SCFD2: variants seen among roughly 807,000 people sequenced by gnomAD.
The protein encoded by SCFD2 is sec1 family domain containing 2.
A neutral mutation model predicts 58.9 loss-of-function variants in SCFD2; 54 were observed. The observed-to-expected ratio is 0.92, with a 90% CI of 0.74 to 1.15. The LOEUF is 1.15. SCFD2 is among the 50% of genes most tolerant of loss of function. SCFD2 has a pLI of 0.00. For synonymous variants in SCFD2, 321 were observed against 335.9 expected (o/e 0.96, Z 0.49); for missense variants, 805 against 836.6 (o/e 0.96, Z 0.47).
intron 7 of SCFD2, among the ~76,000 whole-genome samples, chr4:52,894,100 T>G (rs953104052): frequency 6.6e-6 from 1 of 152,184 alleles, no homozygotes; most frequent in Admixed American, 6.5e-5. Flanking sequence ...TTGTTGCCAC[T>G]TAAGGCAATG....
chr4:53,185,437 G>T (rs1577817633), intron 4 of SCFD2, among the ~76,000 whole-genome samples: 1 of 151,928 alleles, frequency 6.6e-6, no homozygotes, highest in East Asian at 1.9e-4. Flanking sequence ...ATTTCAAGTG[G>T]CACTCCATTA....
chr4:53,154,790 T>C (rs931203396), intron 4 of SCFD2, among the ~76,000 whole-genome samples: 1 of 152,178 alleles, frequency 6.6e-6, no homozygotes. Context: ...GCCAATCTAA[T>C]CATATGAGTG....
Position 53,354,880 on chromosome 4 carries a change from G to A in SCFD2, c.839-2114C>T, listed in dbSNP as rs186386970. ...AGCTCACTGTAGCCTTGAACTCTGAGCTCAAGCAACTCTCCCACCTTAGTT... is the reference window on the plus strand; with the variant it reads ...AGCTCACTGTAGCCTTGAACTCTGAACTCAAGCAACTCTCCCACCTTAGTT... On this transcript the variant is annotated intron_variant, in intron 1 of 8. Transcript: ENST00000401642. Among the ~76,000 whole-genome samples the A allele has an allele frequency of 6.6e-5, 10 of 151,474 alleles. No individual in the cohort carries two copies. In the East Asian group the frequency reaches 1.9e-3, roughly 29 times the overall value.
intron 5 of SCFD2, among the ~76,000 whole-genome samples, chr4:53,050,930 C>G (rs1040634439): frequency 6.6e-6 from 1 of 152,172 alleles, no homozygotes; most frequent in Non-Finnish European, 1.5e-5. Flanking sequence ...TTAGGGAGAC[C>G]TTCCCTGGAC....
chr4:53,014,879 T>C (rs1722174596), intron 5 of SCFD2, among the ~76,000 whole-genome samples: 1 of 152,156 alleles, frequency 6.6e-6, no homozygotes, highest in East Asian at 1.9e-4. Flanking sequence ...AACCAAAAAA[T>C]GGTTAGAGAA....
At chr4:53,020,684 C>T (rs532889319) in intron 5 of SCFD2, among the ~76,000 whole-genome samples, 278 of 152,286 alleles carry the variant, frequency 1.8e-3, no homozygotes, top group Non-Finnish European at 2.6e-3. Flanking sequence ...TTCCCAGCCT[C>T]CCCTGCAAAT....
chr4:53,343,495 C>T (rs1261211450), intron 2 of SCFD2, among the ~76,000 whole-genome samples: 2 of 152,156 alleles, frequency 1.3e-5, no homozygotes, highest in Non-Finnish European at 1.5e-5. Context: ...CAGGACCAGA[C>T]AGAATCACAT....
chr4:53,354,144 T>C (rs1455653086), intron 1 of SCFD2, among the ~76,000 whole-genome samples: 2 of 152,180 alleles, frequency 1.3e-5, no homozygotes, highest in African/African-American at 2.4e-5. Flanking sequence ...ACAGTGCCCG[T>C]TGGGGAGGCT....
intron 4 of SCFD2, among the ~76,000 whole-genome samples, chr4:53,263,127 T>C (rs1730876412): frequency 6.6e-6 from 1 of 151,908 alleles, no homozygotes; most frequent in Admixed American, 6.6e-5. Context: ...TTATGCTGTC[T>C]ATTTCACTGA....
At chr4:53,225,090 AAAT>A (rs1729163691) in intron 4 of SCFD2, among the ~76,000 whole-genome samples, 1 of 152,190 alleles carries the variant, frequency 6.6e-6, no homozygotes, top group Admixed American at 6.5e-5. Flanking sequence ...ACCATAAGGA[AAAT>A]ATTACAACAT....
chr4:52,919,203 C>T (rs186420864), intron 6 of SCFD2, among the ~76,000 whole-genome samples: 2 of 152,180 alleles, frequency 1.3e-5, no homozygotes, highest in African/African-American at 2.4e-5. Flanking sequence ...ATCAGTCACC[C>T]GGATGACATA....
chr4:52,921,830 A>G (rs780988395), intron 5 of SCFD2, among the ~76,000 whole-genome samples: 3 of 152,096 alleles, frequency 2.0e-5, no homozygotes, highest in Non-Finnish European at 2.9e-5. Flanking sequence ...CTTCTTGTCT[A>G]AGGGCTTTCT....
At chr4:53,234,088 T>A (rs965579128) in intron 4 of SCFD2, among the ~76,000 whole-genome samples, 28 of 152,224 alleles carry the variant, frequency 1.8e-4, no homozygotes, top group Non-Finnish European at 5.9e-5. Context: ...TATAAAATCC[T>A]ACTTTGTCCT....
chr4:53,033,669 C>T (rs1256474722), intron 5 of SCFD2, among the ~76,000 whole-genome samples: 1 of 152,062 alleles, frequency 6.6e-6, no homozygotes, highest in African/African-American at 2.4e-5. Context: ...TACAAACTAC[C>T]ATCAGAAAAT....
intron 2 of SCFD2, among the ~76,000 whole-genome samples, chr4:53,330,695 C>G (rs1053736139): frequency 3.0e-4 from 46 of 151,784 alleles, no homozygotes; most frequent in Non-Finnish European, 5.1e-4. Context: ...AACTAACGAG[C>G]AAAATCACCA....
At chr4:53,315,941 C>T (rs566029518) in intron 2 of SCFD2, among the ~76,000 whole-genome samples, 2 of 152,250 alleles carry the variant, frequency 1.3e-5, no homozygotes, top group African/African-American at 2.4e-5. Flanking sequence ...TGGGTTCGAA[C>T]TCCAACCATG....
At chr4:53,345,938 G>A (rs1209628924) in intron 2 of SCFD2, among the ~76,000 whole-genome samples, 7 of 151,866 alleles carry the variant, frequency 4.6e-5, no homozygotes, top group African/African-American at 1.5e-4. Context: ...CACACACCAG[G>A]GCCTGTGAGT....
In SCFD2 at chr4:53,345,191, A is replaced by G. The variant is rs559299289; in HGVS notation, c.1007+7407T>C. On this transcript the variant is annotated intron_variant, in intron 2 of 8. Coordinates refer to ENST00000401642, the MANE Select transcript of SCFD2 (RefSeq NM_152540.4). ...TACAGAATGGGAGAAAATTTTTGCA[A>G]TCTACCCATCTGACAAAGGGTTAAT... 2.6e-5 allele frequency among the ~76,000 whole-genome samples: 4 copies of G among 152,320 alleles called. No homozygotes were observed. In the East Asian group the frequency reaches 7.7e-4, roughly 29 times the overall value.
chr4:52,960,790 T>C (rs1720832836), intron 5 of SCFD2, among the ~76,000 whole-genome samples: 1 of 151,982 alleles, frequency 6.6e-6, no homozygotes, highest in Non-Finnish European at 1.5e-5. Context: ...ACAACAAAAA[T>C]TTATTATACA....
Sources: allele counts gnomAD v4.1 joint callset (sites outside exome capture counted in the v4.1 genomes callset), GRCh38; gene constraint gnomAD v4.1.1; transcripts MANE v1.5; gene names NCBI Gene and HGNC (gene_info 2026-07-23, HGNC 2026-07-21).